CDH6: variants seen among roughly 807,000 people sequenced by gnomAD.
CDH6 encodes cadherin 6.
Under a neutral mutation model 78.0 loss-of-function variants are expected in CDH6, and 31 were observed. The ratio of observed to expected loss-of-function variants is 0.40; its 90% confidence interval spans 0.30 to 0.54. The LOEUF (loss-of-function observed/expected upper bound fraction) is 0.54, where lower values mean the gene tolerates loss of function less well. Among genes scored for constraint, CDH6 ranks in the 20% least tolerant of loss-of-function variants. The pLI, the probability that CDH6 is intolerant of heterozygous loss-of-function variation, is 0.56. For synonymous variants in CDH6, 376 were observed against 368.8 expected (o/e 1.02, Z -0.23); for missense variants, 724 against 975.9 (o/e 0.74, Z 3.44).
chr5:31,229,831 G>A (rs931923237), intron 1 of CDH6, among the ~76,000 whole-genome samples: 23 of 152,234 alleles, frequency 1.5e-4, no homozygotes, highest in Admixed American at 3.9e-4. Context: ...GCATAATTAC[G>A]GGCTGAGGCT....
At chr5:31,279,737 G>T (rs1742801737) in intron 2 of CDH6, among the ~76,000 whole-genome samples, 1 of 152,166 alleles carries the variant, frequency 6.6e-6, no homozygotes, top group South Asian at 2.1e-4. Context: ...TGCCTCGGGG[G>T]TGGCAGAGGC....
chr5:31,293,942 ATT>A lies in CDH6; in HGVS notation c.229-11_229-10del, dbSNP rs371678033. 7.7e-6 allele frequency: 11 copies of A among 1,422,410 alleles called. No homozygotes were observed. Among genetic ancestry groups the A allele is most frequent in the African/African-American group, 1.4e-5 (1 of 68,996 alleles). 88.1% of individuals were successfully genotyped at this position (1,422,410 alleles called of 1,614,324 possible). On this transcript the variant is annotated intron_variant, in intron 2 of 11. Transcript: ENST00000265071. The stretch of plus-strand genomic sequence containing the variant: ...ACATGCTTGACTTTTACTTTCTTTA[ATT>A]TTTTTTTTCTACACTAGTTACATTC...
At chr5:31,307,157 G>C (rs1284706641) in intron 7 of CDH6, among the ~76,000 whole-genome samples, 1 of 152,150 alleles carries the variant, frequency 6.6e-6, no homozygotes, top group Non-Finnish European at 1.5e-5. Flanking sequence ...GTAGTTGATG[G>C]TAAAGACTGG....
intron 1 of CDH6, among the ~76,000 whole-genome samples, chr5:31,256,777 G>A (rs1742067369): frequency 6.6e-6 from 1 of 152,188 alleles, no homozygotes; most frequent in African/African-American, 2.4e-5. Context: ...ATGTCTCATA[G>A]CTAATAAGTA....
chr5:31,201,083 T>C (rs1240337314), intron 1 of CDH6, among the ~76,000 whole-genome samples: 3 of 152,174 alleles, frequency 2.0e-5, no homozygotes, highest in Non-Finnish European at 4.4e-5. Flanking sequence ...TTGCTTTTTA[T>C]CATCACCATT....
rs1738651301 is a variant in CDH6, at chr5:31,327,761, T to G, written c.*4453T>G. The G allele has an allele frequency of 4.8e-6, 1 of 208,542 alleles. No individual in the cohort carries two copies. The highest frequency in any genetic ancestry group is 1.9e-4 in the South Asian group (1 of 5,294). 12.9% of individuals were successfully genotyped at this position (208,542 alleles called of 1,614,324 possible). A position where few individuals can be genotyped will look rare whatever the true frequency, so the allele number is the denominator to read the frequency against. ...ATGGCATCTTTATGGAATAATTTTC[T>G]AAAGGGTAATTCTCTACTAAAAATA... On this transcript the variant is annotated 3_prime_UTR_variant, in exon 12 of 12. Transcript: ENST00000265071.
At chr5:31,301,001 T>A (rs1381232056) in intron 5 of CDH6, among the ~76,000 whole-genome samples, 1 of 152,076 alleles carries the variant, frequency 6.6e-6, no homozygotes, top group Non-Finnish European at 1.5e-5. Flanking sequence ...TGTGCACCTG[T>A]AGTCCCAGCT....
chr5:31,263,441 CTTT>C (rs35835971), intron 1 of CDH6, among the ~76,000 whole-genome samples: 3,873 of 103,676 alleles, frequency 0.037, 185 homozygotes, highest in African/African-American at 0.13. Flanking sequence ...TTTTTGGGGT[CTTT>C]TTTTTTTTTT....
Position 31,199,703 on chromosome 5 carries a change from ATATATATATATATC to A in CDH6, c.-129+5819_-129+5832del, listed in dbSNP as rs1315497329. Among the ~76,000 whole-genome samples the A allele has an allele frequency of 3.0e-5, 4 of 133,674 alleles. 1 individual carries two copies. The highest frequency in any genetic ancestry group is 1.5e-4 in the Admixed American group (2 of 13,528). The allele number at this position is 133,674 out of a possible 152,430, so 87.7% of individuals were successfully genotyped here. On this transcript the variant is annotated intron_variant, in intron 1 of 11. Transcript: ENST00000265071. Reference sequence around the variant, plus strand: ...TGTGTGTGTATATATATATATATATATATATATATATATCTCAAAGATAAAAAGCACTCACCAGT... The same window carrying A: ...TGTGTGTGTATATATATATATATATATCAAAGATAAAAAGCACTCACCAGT...
rs201724526 is a variant in CDH6, at chr5:31,237,748, AT to A, written c.-128-29590del. 5.3e-5 allele frequency among the ~76,000 whole-genome samples: 8 copies of A among 151,822 alleles called. No individual in the cohort carries two copies. In the East Asian group the frequency reaches 5.8e-4, roughly 11 times the overall value. On this transcript the variant is annotated intron_variant, in intron 1 of 11. Transcript: ENST00000265071. ...TTTCACACCTTGTTATTCCTTTCAC[AT>A]TTTTTTTCCGGGAGACAAAGGAGAA...
In CDH6 at chr5:31,297,306, G is replaced by A. The variant is rs775990314; in HGVS notation, c.541G>A (p.Val181Ile). The change falls in exon 4 of 12, where the codon GTC becomes ATC. Residue 181 changes from valine to isoleucine, a missense_variant. Physicochemically the swap from Val to Ile is conservative, Grantham distance 29 (BLOSUM62 3). This residue lies in a region of CDH6 where 446 missense variants were observed against 684.5 expected (regional missense o/e 0.65). Coordinates refer to ENST00000265071, the MANE Select transcript of CDH6 (RefSeq NM_004932.4). ...CATTACAGGTACATTTGTTGTCCAAGTCACTGCGACGGATGCAGATGATCC... is the reference window on the plus strand; with the variant it reads ...CATTACAGGTACATTTGTTGTCCAAATCACTGCGACGGATGCAGATGATCC... ...MSDVGTFVVQ[V>I]TATDADDPTY... 1 of 1,611,594 alleles carries A rather than the reference G, an allele frequency of 6.2e-7. No homozygotes were observed. The highest frequency in any genetic ancestry group is 2.2e-5 in the East Asian group (1 of 44,840).
chr5:31,218,018 A>G lies in CDH6; in HGVS notation c.-129+24132A>G, dbSNP rs934209204. Among the ~76,000 whole-genome samples the G allele has an allele frequency of 7.2e-5, 11 of 152,130 alleles. 1 individual carries two copies. Among genetic ancestry groups the G allele is most frequent in the Admixed American group, 5.9e-4 (9 of 15,258 alleles). On this transcript the variant is annotated intron_variant, in intron 1 of 11. Coordinates refer to ENST00000265071, the MANE Select transcript of CDH6 (RefSeq NM_004932.4). ...AAATAGAGATGGCATTTGTTTTTTT[A>G]TTGTCATTAAAGTCTATTAAGTTAA... is the stretch of plus-strand genomic sequence containing the variant.
intron 2 of CDH6, among the ~76,000 whole-genome samples, chr5:31,272,781 T>A (rs1742563130): frequency 6.6e-6 from 1 of 152,330 alleles, no homozygotes; most frequent in East Asian, 1.9e-4. Flanking sequence ...GGTGCTTCTA[T>A]TTTTAGTAAC....
At chr5:31,223,152 A>G (rs983248761) in intron 1 of CDH6, among the ~76,000 whole-genome samples, 3 of 152,170 alleles carry the variant, frequency 2.0e-5, no homozygotes, top group Admixed American at 1.3e-4. Flanking sequence ...CTTATGTACA[A>G]GTTCATTGAT....
intron 1 of CDH6, among the ~76,000 whole-genome samples, chr5:31,245,323 A>G (rs967291398): frequency 6.6e-6 from 1 of 152,196 alleles, no homozygotes; most frequent in Non-Finnish European, 1.5e-5. Context: ...GGTGATTTCA[A>G]TTCTTTTCCC....
intron 1 of CDH6, among the ~76,000 whole-genome samples, chr5:31,230,101 A>G (rs1290495737): frequency 6.6e-6 from 1 of 152,210 alleles, no homozygotes; most frequent in Non-Finnish European, 1.5e-5. Context: ...CCAGTTGAAG[A>G]GAATTTGCTT....
chr5:31,201,368 A>T (rs914022227), intron 1 of CDH6, among the ~76,000 whole-genome samples: 2 of 152,168 alleles, frequency 1.3e-5, no homozygotes, highest in Admixed American at 1.3e-4. Flanking sequence ...AGTAAACCTT[A>T]TCTAAATCAG....
At chr5:31,295,156 T>G (rs1328716976) in intron 3 of CDH6, among the ~76,000 whole-genome samples, 1 of 152,156 alleles carries the variant, frequency 6.6e-6, no homozygotes, top group African/African-American at 2.4e-5. Flanking sequence ...ACATCTACAT[T>G]TTTCTTATGA....
intron 3 of CDH6, among the ~76,000 whole-genome samples, chr5:31,295,996 C>T (rs999306467): frequency 6.6e-6 from 1 of 152,178 alleles, no homozygotes; most frequent in Non-Finnish European, 1.5e-5. Context: ...ATAAGATGTT[C>T]TCAGTCTCCC....
Sources: gnomAD v4.1 joint callset for allele counts (sites outside exome capture counted in the v4.1 genomes callset) on GRCh38, gnomAD v4.1.1 for gene constraint, gnomAD v4.1.1 regional missense constraint, MANE v1.5 for transcripts, NCBI Gene and HGNC (gene_info 2026-07-23, HGNC 2026-07-21) for gene names.